GPR39: variants seen among roughly 807,000 people sequenced by gnomAD.
GPR39 encodes G protein-coupled receptor 39.
GPR39 carries 23 observed loss-of-function variants against 18.4 expected under a neutral mutation model. The ratio of observed to expected loss-of-function variants is 1.25; its 90% CI spans 0.90 to 1.77. The LOEUF (loss-of-function observed/expected upper bound fraction) is 1.77, where lower values mean the gene tolerates loss of function less well. GPR39 is among the 40% of genes most tolerant of loss of function. The pLI is 0.00. For synonymous variants in GPR39, 280 were observed against 257.9 expected (o/e 1.09, Z -0.82); for missense variants, 647 against 602.4 (o/e 1.07, Z -0.78).
At chr2:132,615,364 C>T (rs11688092) in intron 1 of GPR39, among the ~76,000 whole-genome samples, 1 of 152,314 alleles carries the variant, frequency 6.6e-6, no homozygotes, top group South Asian at 2.1e-4. Context: ...GGCCCACCCC[C>T]GCTTTGGTGT....
intron 1 of GPR39, among the ~76,000 whole-genome samples, chr2:132,421,500 A>C (rs1680008069): frequency 6.6e-6 from 1 of 152,210 alleles, no homozygotes; most frequent in Non-Finnish European, 1.5e-5. Flanking sequence ...TAGAAGATTC[A>C]TAACTCTAGA....
At chr2:132,466,541 T>C (rs931494460) in intron 1 of GPR39, among the ~76,000 whole-genome samples, 1 of 152,170 alleles carries the variant, frequency 6.6e-6, no homozygotes, top group East Asian at 1.9e-4. Flanking sequence ...AGAAAATCTC[T>C]GGCAAGTCAG....
At chr2:132,426,525 A>T (rs1305685945) in intron 1 of GPR39, among the ~76,000 whole-genome samples, 2 of 152,202 alleles carry the variant, frequency 1.3e-5, no homozygotes, top group African/African-American at 4.8e-5. Flanking sequence ...CAGAAGGGAG[A>T]TGCCTGTACC....
Position 132,642,013 on chromosome 2 carries a change from A to G in GPR39, c.857-3088A>G, listed in dbSNP as rs192330230. On this transcript the variant is annotated intron_variant, in intron 1 of 1. Transcript: ENST00000329321. Reference sequence around the variant, plus strand: ...GCACTTCCTCATTTGTTAAATTAAGAGAATAACTATTTTGACCTCACCAGG... The same window carrying G: ...GCACTTCCTCATTTGTTAAATTAAGGGAATAACTATTTTGACCTCACCAGG... 4.4e-3 allele frequency among the ~76,000 whole-genome samples: 670 copies of G among 152,354 alleles called. 6 individuals carry two copies. The highest frequency in any genetic ancestry group is 7.3e-3 in the Non-Finnish European group (498 of 68,034).
At chr2:132,629,337 G>A (rs958370869) in intron 1 of GPR39, among the ~76,000 whole-genome samples, 4 of 152,154 alleles carry the variant, frequency 2.6e-5, no homozygotes, top group Non-Finnish European at 5.9e-5. Context: ...ACAAGCTCTC[G>A]GGATATCCCA....
At chr2:132,535,060 C>T (rs1679727245) in intron 1 of GPR39, among the ~76,000 whole-genome samples, 1 of 151,940 alleles carries the variant, frequency 6.6e-6, no homozygotes, top group Admixed American at 6.6e-5. Flanking sequence ...ATTTGAATAT[C>T]CTTTATTTCT....
At chr2:132,573,833 G>C (rs1180885154) in intron 1 of GPR39, among the ~76,000 whole-genome samples, 1 of 152,112 alleles carries the variant, frequency 6.6e-6, no homozygotes, top group African/African-American at 2.4e-5. Flanking sequence ...GGGGCTGAGA[G>C]AAAAACCAAG....
intron 1 of GPR39, among the ~76,000 whole-genome samples, chr2:132,445,243 T>C (rs1175425858): frequency 6.6e-6 from 1 of 152,230 alleles, no homozygotes; most frequent in Non-Finnish European, 1.5e-5. Flanking sequence ...TTGTATATTT[T>C]TCTATGTTCC....
intron 1 of GPR39, among the ~76,000 whole-genome samples, chr2:132,423,583 G>T (rs1465247267): frequency 6.6e-6 from 1 of 151,986 alleles, no homozygotes; most frequent in African/African-American, 2.4e-5. Flanking sequence ...CCTCTGCCTG[G>T]CATGCTTTTC....
At chr2:132,572,195 A>G (rs1358453438) in intron 1 of GPR39, among the ~76,000 whole-genome samples, 4 of 152,076 alleles carry the variant, frequency 2.6e-5, no homozygotes, top group African/African-American at 9.7e-5. Context: ...GTGACCTTCT[A>G]ATATCTTCCA....
intron 1 of GPR39, among the ~76,000 whole-genome samples, chr2:132,444,175 T>C (rs1680489814): frequency 6.6e-6 from 1 of 152,234 alleles, no homozygotes; most frequent in South Asian, 2.1e-4. Flanking sequence ...AATATTTATG[T>C]GGCCTTCCAT....
At chr2:132,574,086 T>C (rs1249918224) in intron 1 of GPR39, among the ~76,000 whole-genome samples, 1 of 152,242 alleles carries the variant, frequency 6.6e-6, no homozygotes, top group Non-Finnish European at 1.5e-5. Flanking sequence ...TCATCATAAA[T>C]GTCTGTATAA....
At position 132,646,295 on chromosome 2, in the gene GPR39, C is replaced by G. The variant is rs1300944336; in HGVS notation, c.*689C>G. ...GTACATGATCCCTGTAACACAGACCCAAAGGAGCTGAGTTAACGTGCACCG... is the reference window on the plus strand; with the variant it reads ...GTACATGATCCCTGTAACACAGACCGAAAGGAGCTGAGTTAACGTGCACCG... On this transcript the variant is annotated 3_prime_UTR_variant, in exon 2 of 2. Transcript: ENST00000329321. The G allele has an allele frequency of 6.9e-7, 1 of 1,441,896 alleles. No individual in the cohort carries two copies. Among genetic ancestry groups the G allele is most frequent in the South Asian group, 1.6e-5 (1 of 63,484 alleles). The allele number at this position is 1,441,896 out of a possible 1,614,324, so 89.3% of individuals were successfully genotyped here. A position where few individuals can be genotyped will look rare whatever the true frequency, so the allele number is the denominator to read the frequency against.
At chr2:132,582,884 A>G (rs923103500) in intron 1 of GPR39, among the ~76,000 whole-genome samples, 1 of 150,672 alleles carries the variant, frequency 6.6e-6, no homozygotes, top group East Asian at 1.9e-4. Flanking sequence ...AAAAAATAGA[A>G]TTGAATAGAG....
At chr2:132,609,930 C>T (rs1049315819) in intron 1 of GPR39, among the ~76,000 whole-genome samples, 7 of 152,110 alleles carry the variant, frequency 4.6e-5, no homozygotes, top group South Asian at 4.2e-4. Context: ...TGTAACTTAG[C>T]GCAAACCAAG....
At chr2:132,483,449 T>C (rs1681272866) in intron 1 of GPR39, among the ~76,000 whole-genome samples, 1 of 152,234 alleles carries the variant, frequency 6.6e-6, no homozygotes, top group Admixed American at 6.5e-5. Context: ...TGCCTTCACT[T>C]CCATGTAATG....
intron 1 of GPR39, among the ~76,000 whole-genome samples, chr2:132,421,410 G>A (rs999890162): frequency 6.6e-6 from 1 of 152,032 alleles, no homozygotes; most frequent in Admixed American, 6.6e-5. Context: ...AGAACTAGAG[G>A]GCAGTGATTG....
chr2:132,628,850 G>GT (rs989876978), intron 1 of GPR39, among the ~76,000 whole-genome samples: 2 of 151,846 alleles, frequency 1.3e-5, no homozygotes, highest in East Asian at 1.9e-4. Flanking sequence ...ATGAGATTCA[G>GT]TTTTTTCCAT....
chr2:132,639,302 T>C (rs1370397677), intron 1 of GPR39, among the ~76,000 whole-genome samples: 1 of 152,014 alleles, frequency 6.6e-6, no homozygotes, highest in East Asian at 1.9e-4. Flanking sequence ...GGTGGAGATG[T>C]CTAACCCTTG....
Sources: gnomAD v4.1 joint callset for allele counts (sites outside exome capture counted in the v4.1 genomes callset) on GRCh38, gnomAD v4.1.1 for gene constraint, MANE v1.5 for transcripts, NCBI Gene and HGNC (gene_info 2026-07-23, HGNC 2026-07-21) for gene names.